Variants in STK3 observed in about 807,000 individuals in gnomAD.
STK3 encodes serine/threonine-protein kinase 3.
A neutral mutation model predicts 58.0 loss-of-function variants in STK3; 41 were observed. The ratio of observed to expected loss-of-function variants is 0.71; its 90% CI spans 0.55 to 0.92. The LOEUF is 0.92. Ranked by LOEUF, STK3 falls within the 40% of genes least tolerant of loss-of-function variation. STK3 has a pLI of 0.00. For missense variants in STK3, 479 were observed against 602.7 expected (o/e 0.79, Z 2.15); for synonymous variants, 170 against 191.0 (o/e 0.89, Z 0.91).
At chr8:98,740,460 A>C (rs1464701147) in intron 4 of STK3, among the ~76,000 whole-genome samples, 1 of 152,188 alleles carries the variant, frequency 6.6e-6, no homozygotes, top group Admixed American at 6.5e-5. Context: ...AAAGAAAAGA[A>C]TTTTTAAACC....
chr8:98,589,668 T>C (rs1354297209), intron 7 of STK3, among the ~76,000 whole-genome samples: 2 of 152,234 alleles, frequency 1.3e-5, no homozygotes, highest in African/African-American at 2.4e-5. Context: ...TAAGCAAGCC[T>C]GGGCAATGGC....
intron 8 of STK3, among the ~76,000 whole-genome samples, chr8:98,569,228 G>A (rs1433752247): frequency 5.3e-5 from 8 of 151,922 alleles, no homozygotes; most frequent in Non-Finnish European, 1.2e-4. Flanking sequence ...ATAAAGACAC[G>A]GTCAGATATG....
chr8:98,658,236 C>T (rs546681709), intron 6 of STK3, among the ~76,000 whole-genome samples: 1 of 152,072 alleles, frequency 6.6e-6, no homozygotes, highest in East Asian at 1.9e-4. Context: ...AAGTAATTCC[C>T]TATTGAAGCT....
intron 3 of STK3, among the ~76,000 whole-genome samples, chr8:98,755,512 G>T (rs1022748036): frequency 1.3e-5 from 2 of 152,172 alleles, no homozygotes; most frequent in Admixed American, 1.3e-4. Flanking sequence ...CTGAGACTTG[G>T]AAGGCACTGG....
chr8:98,801,283 A>C (rs1245884469), intron 1 of STK3, among the ~76,000 whole-genome samples: 1 of 152,126 alleles, frequency 6.6e-6, no homozygotes, highest in African/African-American at 2.4e-5. Context: ...TGGACCAATC[A>C]GTTCTCTGTG....
chr8:98,356,213 C>A, the STK3 span, among the ~76,000 whole-genome samples: 1 of 152,224 alleles, frequency 6.6e-6, no homozygotes. Context: ...TCTGGGTCCC[C>A]CTTGAATCCC....
At chr8:98,651,886 G>C (rs1479960698) in intron 6 of STK3, among the ~76,000 whole-genome samples, 2 of 152,124 alleles carry the variant, frequency 1.3e-5, no homozygotes, top group Non-Finnish European at 2.9e-5. Flanking sequence ...AGGGAGAATG[G>C]AACCAAGTTG....
chr8:98,922,773 C>A (rs1839616446), intron 1 of STK3, among the ~76,000 whole-genome samples: 1 of 152,152 alleles, frequency 6.6e-6, no homozygotes, highest in Non-Finnish European at 1.5e-5. Context: ...TATTGTAATT[C>A]TTGGCTCTTG....
At chr8:98,854,284 G>A (rs1286216562) in intron 3 of STK3, among the ~76,000 whole-genome samples, 1 of 151,990 alleles carries the variant, frequency 6.6e-6, no homozygotes, top group Non-Finnish European at 1.5e-5. Context: ...GATTACAGGT[G>A]CCCACCACAA....
intron 1 of STK3, among the ~76,000 whole-genome samples, chr8:98,780,971 A>G (rs1371017552): frequency 1.3e-5 from 2 of 152,230 alleles, no homozygotes; most frequent in East Asian, 3.8e-4. Flanking sequence ...AAGCAGCTTG[A>G]AAGTTTAAGT....
chr8:98,889,318 T>A (rs1174620750), intron 1 of STK3, among the ~76,000 whole-genome samples: 2 of 152,218 alleles, frequency 1.3e-5, no homozygotes, highest in Non-Finnish European at 2.9e-5. Context: ...AATGGCTCTC[T>A]TTCAGCCAAG....
chr8:98,708,175 C>T (rs1268018754), intron 4 of STK3, among the ~76,000 whole-genome samples: 2 of 151,644 alleles, frequency 1.3e-5, no homozygotes, highest in African/African-American at 2.4e-5. Flanking sequence ...ATTCCTAAAG[C>T]AAACAACATA....
intron 1 of STK3, among the ~76,000 whole-genome samples, chr8:98,775,429 T>C (rs950268478): frequency 1.3e-5 from 2 of 152,104 alleles, no homozygotes; most frequent in Non-Finnish European, 2.9e-5. Context: ...AGAAGGGTAA[T>C]AAAATGGCAC....
Position 98,831,040 on chromosome 8 carries a change from G to A in STK3, c.110+52607C>T, listed in dbSNP as rs145019316. 7.7e-4 allele frequency among the ~76,000 whole-genome samples: 116 copies of A among 150,238 alleles called. 1 individual carries two copies. The East Asian group carries it at 0.02, about 27-fold the overall frequency. The stretch of plus-strand genomic sequence containing the variant: ...GCTTCCAACAGCTCCATTTGGAATC[G>A]AGATTAAATATACACTTTAATTATA... On this transcript the variant is annotated intron_variant, in intron 3 of 12. Coordinates refer to the STK3 transcript ENST00000523601.
chr8:98,753,332 G>T (rs1830095185), intron 3 of STK3, among the ~76,000 whole-genome samples: 1 of 152,204 alleles, frequency 6.6e-6, no homozygotes, highest in Non-Finnish European at 1.5e-5. Context: ...AGACATGGAT[G>T]GAGCTGGAGG....
At chr8:98,783,761 A>G (rs1056013639) in intron 1 of STK3, among the ~76,000 whole-genome samples, 1 of 152,230 alleles carries the variant, frequency 6.6e-6, no homozygotes, top group African/African-American at 2.4e-5. Flanking sequence ...AGATTATGGA[A>G]TATTCTAAAT....
intron 2 of STK3, among the ~76,000 whole-genome samples, chr8:98,377,948 A>C: frequency 6.6e-6 from 1 of 152,188 alleles, no homozygotes; most frequent in East Asian, 1.9e-4. Flanking sequence ...GAAGCCGTGA[A>C]TGCAGGGACA....
At chr8:98,558,289 G>A (rs1403294737) in intron 8 of STK3, among the ~76,000 whole-genome samples, 1 of 151,952 alleles carries the variant, frequency 6.6e-6, no homozygotes, top group Non-Finnish European at 1.5e-5. Flanking sequence ...TTATAAAATA[G>A]GTTATTACAT....
At chr8:98,361,126 C>T in the STK3 span, among the ~76,000 whole-genome samples, 1 of 152,174 alleles carries the variant, frequency 6.6e-6, no homozygotes, top group Non-Finnish European at 1.5e-5. Flanking sequence ...TGAGTACCCC[C>T]CTTCCCAACC....
Sources: gnomAD v4.1 joint callset for allele counts (sites outside exome capture counted in the v4.1 genomes callset) on GRCh38, gnomAD v4.1.1 for gene constraint, MANE v1.5 for transcripts, NCBI Gene and HGNC (gene_info 2026-07-23, HGNC 2026-07-21) for gene names.